ZDHHC21: variants seen among roughly 807,000 people sequenced by gnomAD.
ZDHHC21 encodes palmitoyltransferase ZDHHC21.
A neutral mutation model predicts 34.6 loss-of-function variants in ZDHHC21; 15 were observed. The ratio of observed to expected loss-of-function variants is 0.43; its 90% CI spans 0.29 to 0.67. The LOEUF is 0.67. Among genes scored for constraint, ZDHHC21 ranks in the 30% least tolerant of loss-of-function variants. ZDHHC21 has a pLI of 0.14. For missense variants in ZDHHC21, 344 were observed against 327.7 expected, an observed-to-expected ratio of 1.05 and a Z score of -0.38; for synonymous variants, 142 against 101.8, an observed-to-expected ratio of 1.40 and a Z score of -2.38.
At chr9:14,659,152 G>C (rs1832902133) in intron 6 of ZDHHC21, among the ~76,000 whole-genome samples, 1 of 152,130 alleles carries the variant, frequency 6.6e-6, no homozygotes, top group Non-Finnish European at 1.5e-5. Flanking sequence ...AGAGCAGACG[G>C]TAGTCTCCTG....
chr9:14,681,644 A>T (rs1837390406), intron 2 of ZDHHC21, among the ~76,000 whole-genome samples: 1 of 152,070 alleles, frequency 6.6e-6, no homozygotes, highest in Non-Finnish European at 1.5e-5. Flanking sequence ...ACTACATGCA[A>T]CTAGGTAGGT....
chr9:14,599,639 G>C, the ZDHHC21 span, among the ~76,000 whole-genome samples: 20 of 151,984 alleles, frequency 1.3e-4, no homozygotes, highest in African/African-American at 4.8e-4. Flanking sequence ...CTGAAGCCAG[G>C]GTGCCAAGTG....
chr9:14,624,341 T>G (rs1825845814), intron 8 of ZDHHC21, among the ~76,000 whole-genome samples: 2 of 152,036 alleles, frequency 1.3e-5, no homozygotes, highest in Admixed American at 1.3e-4. Context: ...CAACTGTATA[T>G]TCAAAGGAAT....
At chr9:14,605,075 C>A in the ZDHHC21 span, among the ~76,000 whole-genome samples, 6 of 152,036 alleles carry the variant, frequency 3.9e-5, no homozygotes, top group African/African-American at 1.4e-4. Context: ...TTCCATTGTA[C>A]GTATATACTA....
chr9:14,590,377 T>G, the ZDHHC21 span, among the ~76,000 whole-genome samples: 1 of 152,014 alleles, frequency 6.6e-6, no homozygotes, highest in South Asian at 2.1e-4. Flanking sequence ...ACAACCAAAG[T>G]TTTCCAAATC....
intron 8 of ZDHHC21, among the ~76,000 whole-genome samples, chr9:14,630,548 T>C (rs974344375): frequency 3.3e-5 from 5 of 152,244 alleles, no homozygotes; most frequent in Non-Finnish European, 4.4e-5. Flanking sequence ...GCAAATGTTC[T>C]TAATGGCATC....
chr9:14,678,394 A>G lies in ZDHHC21; in HGVS notation c.-46+1639T>C, dbSNP rs181255831. ...CTGCAACACATGACCGACAAGAGGC[A>G]TACAACATAAATATATAAAGAAGCA... On this transcript the variant is annotated intron_variant, in intron 3 of 9. Transcript: ENST00000380916. 2.1e-3 allele frequency among the ~76,000 whole-genome samples: 324 copies of G among 152,242 alleles called. 2 individuals are homozygous for G. The highest frequency in any genetic ancestry group is 7.1e-3 in the African/African-American group (295 of 41,572).
Position 14,690,383 on chromosome 9 carries a change from A to C in ZDHHC21, c.-222T>G, listed in dbSNP as rs1019733208. 8.8e-6 allele frequency: 4 copies of C among 456,030 alleles called. No individual in the cohort carries two copies. Among genetic ancestry groups the C allele is most frequent in the Non-Finnish European group, 1.8e-5 (4 of 226,794 alleles). The allele number at this position is 456,030 out of a possible 1,614,324, so 28.2% of individuals were successfully genotyped here. A position where few individuals can be genotyped will look rare whatever the true frequency, so the allele number is the denominator to read the frequency against. ...CCTGCAGTAAGTGAAAAAGTTCTTC[A>C]TTCTGTAATTACAGATAAAAAGCTT... On this transcript the variant is annotated splice_region_variant and 5_prime_UTR_variant, in exon 2 of 10. An upstream start codon of the reference 5' UTR is lost. Transcript: ENST00000380916.
chr9:14,622,527 C>G (rs1307079567), intron 8 of ZDHHC21: 1 of 985,052 alleles, frequency 1.0e-6, no homozygotes, highest in Non-Finnish European at 1.2e-6. Context: ...CCAGAGGTTT[C>G]CTGGTTAACA....
chr9:14,621,265 AT>A (rs1825259362), intron 8 of ZDHHC21, among the ~76,000 whole-genome samples: 1 of 152,042 alleles, frequency 6.6e-6, no homozygotes, highest in African/African-American at 2.4e-5. Context: ...ACTATAAACT[AT>A]TCCATGGTAT....
At chr9:14,627,439 T>C (rs777658962) in intron 8 of ZDHHC21, among the ~76,000 whole-genome samples, 8 of 152,168 alleles carry the variant, frequency 5.3e-5, no homozygotes, top group Non-Finnish European at 8.8e-5. Context: ...GCAATTCAAA[T>C]AGAATCCAAC....
intron 5 of ZDHHC21, among the ~76,000 whole-genome samples, chr9:14,664,347 C>G (rs1282177287): frequency 1.3e-5 from 2 of 151,878 alleles, no homozygotes; most frequent in South Asian, 2.1e-4. Context: ...ACACCTGGCT[C>G]GGAGGGTCCT....
intron 7 of ZDHHC21, among the ~76,000 whole-genome samples, chr9:14,652,024 T>A (rs911771710): frequency 1.3e-5 from 2 of 152,062 alleles, no homozygotes; most frequent in African/African-American, 4.8e-5. Context: ...TATACTGGAA[T>A]GATAAATGCA....
chr9:14,595,423 T>C, the ZDHHC21 span, among the ~76,000 whole-genome samples: 2 of 152,172 alleles, frequency 1.3e-5, no homozygotes, highest in African/African-American at 4.8e-5. Context: ...GACTACATAA[T>C]GTATGATTCC....
chr9:14,664,967 C>T (rs1393880201), intron 5 of ZDHHC21, among the ~76,000 whole-genome samples: 1 of 148,704 alleles, frequency 6.7e-6, no homozygotes, highest in East Asian at 2.0e-4. Context: ...GAACGCAGTT[C>T]CTCACCAGCA....
the ZDHHC21 span, among the ~76,000 whole-genome samples, chr9:14,597,370 C>G: frequency 6.6e-6 from 1 of 152,114 alleles, no homozygotes; most frequent in Admixed American, 6.5e-5. Flanking sequence ...CTAGCCCAAG[C>G]AGTATCCTAC....
Position 14,658,768 on chromosome 9 carries a change from G to T in ZDHHC21, c.485C>A (p.Pro162Gln), listed in dbSNP as rs200744301. 3 of 1,613,320 alleles carry T rather than the reference G, an allele frequency of 1.9e-6. No individual in the cohort carries two copies. Among genetic ancestry groups the T allele is most frequent in the Non-Finnish European group, 2.5e-6 (3 of 1,179,752 alleles). Reference protein sequence around the residue: ...FSFCHYYYFLPLKKRNLDLFV... With the variant: ...FSFCHYYYFLQLKKRNLDLFV... ...TCTTACCAAATTACGCTTTTTTAGTGGAAGAAAATAGTAATAGTGGCAGAA... is the reference window on the plus strand; with the variant it reads ...TCTTACCAAATTACGCTTTTTTAGTTGAAGAAAATAGTAATAGTGGCAGAA... Residue 162 changes from proline (P) to glutamine (Q), a missense_variant, in exon 7 of 10, where the codon CCA (proline) becomes CAA (glutamine). Transcript: ENST00000380916.
chr9:14,675,010 G>C (rs558278276), intron 3 of ZDHHC21, among the ~76,000 whole-genome samples: 1 of 151,886 alleles, frequency 6.6e-6, no homozygotes, highest in Non-Finnish European at 1.5e-5. Context: ...CATTTTTTAA[G>C]TATTTTGAAA....
At chr9:14,596,628 G>A in the ZDHHC21 span, among the ~76,000 whole-genome samples, 2 of 152,156 alleles carry the variant, frequency 1.3e-5, no homozygotes. Flanking sequence ...ACAAATGCCT[G>A]GATTCAGATA....
Sources: allele counts gnomAD v4.1 joint callset (sites outside exome capture counted in the v4.1 genomes callset), GRCh38; gene constraint gnomAD v4.1.1; transcripts MANE v1.5; gene names NCBI Gene and HGNC (gene_info 2026-07-23, HGNC 2026-07-21).